Variants in NGLY1 observed in about 807,000 individuals in gnomAD.
NGLY1 encodes N-glycanase 1.
Under a neutral mutation model 84.6 loss-of-function variants are expected in NGLY1, and 68 were observed. The observed-to-expected ratio is 0.80, with a 90% CI of 0.66 to 0.98. The LOEUF (loss-of-function observed/expected upper bound fraction) is 0.98, where lower values mean the gene tolerates loss of function less well. Ranked by LOEUF, NGLY1 falls within the 50% of genes least tolerant of loss-of-function variation. The pLI is 0.00. For missense variants in NGLY1, 779 were observed against 770.2 expected, an observed-to-expected ratio of 1.01 and a Z score of -0.14; for synonymous variants, 280 against 275.2, an observed-to-expected ratio of 1.02 and a Z score of -0.17.
chr3:25,782,234 A>T (rs1708451545), intron 1 of NGLY1, among the ~76,000 whole-genome samples: 2 of 152,224 alleles, frequency 1.3e-5, no homozygotes, highest in Admixed American at 1.3e-4. Context: ...ACTAATGTCT[A>T]AAATTGGGTC....
rs866506530 is a variant in NGLY1 at position 25,771,503 on chromosome 3, C to A, written c.246+7071G>T. ...TCTCCAGATTTGTTTTTTGGTTAGT[C>A]TTGTTTTGGCTACGTAGGCTGCTTT... On this transcript the variant is annotated intron_variant, in intron 2 of 11. Transcript: ENST00000280700. 2.6e-5 allele frequency among the ~76,000 whole-genome samples: 4 copies of A among 152,028 alleles called. No individual in the cohort carries two copies. The Middle Eastern group carries it at 0.01, about 388-fold the overall frequency.
chr3:25,744,588 T>C (rs1706325511), intron 4 of NGLY1, among the ~76,000 whole-genome samples: 2 of 152,226 alleles, frequency 1.3e-5, no homozygotes, highest in African/African-American at 4.8e-5. Context: ...GGCCATATAA[T>C]ATCCACTTGC....
At chr3:25,778,290 C>A in intron 2 of NGLY1, 1 of 214,848 alleles carries the variant, frequency 4.7e-6, no homozygotes, top group Non-Finnish European at 9.3e-6. Context: ...TAGCTAAAAG[C>A]CTAAAGTGAA....
rs573301283 is a variant in NGLY1 at position 25,783,157 on chromosome 3, C to G, written c.131+103G>C. 13 of 1,111,432 alleles carry G rather than the reference C, an allele frequency of 1.2e-5. No homozygotes were observed. The African/African-American group carries it at 1.6e-4, about 14-fold the overall frequency. The allele number at this position is 1,111,432 out of a possible 1,614,324, so 68.8% of individuals were successfully genotyped here. A position where few individuals can be genotyped will look rare whatever the true frequency, so the allele number is the denominator to read the frequency against. On this transcript the variant is annotated intron_variant, in intron 1 of 11. Coordinates refer to ENST00000280700, the MANE Select transcript of NGLY1 (RefSeq NM_018297.4). The surrounding 1 kb of genome is among the most constrained non-coding windows in gnomAD (Gnocchi z 4.5). ...TCCAGGTCCCGGTCTGTCCGGGCGT[C>G]GCTGCCCTCTGAAGCTCAGGCCGGA...
rs773898697 is a variant in NGLY1, at chr3:25,760,754, G to A, written c.492+3312C>T. On this transcript the variant is annotated intron_variant, in intron 3 of 11. Transcript: ENST00000280700. ...ACATGCCTGTAATCCCAGCTACTAC[G>A]GAGGCTGAGGCAGGAGAATCACTTG... 3.3e-5 allele frequency among the ~76,000 whole-genome samples: 5 copies of A among 151,788 alleles called. No individual in the cohort carries two copies. The South Asian group carries it at 1.0e-3, about 32-fold the overall frequency.
intron 3 of NGLY1, among the ~76,000 whole-genome samples, chr3:25,757,524 A>G (rs1248422770): frequency 6.6e-6 from 1 of 152,238 alleles, no homozygotes; most frequent in Non-Finnish European, 1.5e-5. Context: ...AAGGCTATTA[A>G]TAAAAATTTG....
intron 3 of NGLY1, among the ~76,000 whole-genome samples, chr3:25,756,698 A>G (rs1367459870): frequency 1.1e-4 from 16 of 152,270 alleles, no homozygotes; most frequent in Non-Finnish European, 2.9e-5. Context: ...GAGTCCTCCA[A>G]TTGGTATAAT....
intron 3 of NGLY1, among the ~76,000 whole-genome samples, chr3:25,760,925 G>A (rs1401022662): frequency 5.2e-5 from 6 of 115,516 alleles, no homozygotes; most frequent in Admixed American, 2.9e-4. Flanking sequence ...AAAAAAGCTC[G>A]CACACAGATC....
chr3:25,749,684 A>G (rs1706629062), intron 4 of NGLY1: 1 of 1,578,784 alleles, frequency 6.3e-7, no homozygotes, highest in Non-Finnish European at 8.6e-7. Flanking sequence ...CAACAAAAAA[A>G]CAAAGCACAT....
At chr3:25,737,544 A>AT (rs371935487) in intron 5 of NGLY1, 89 bp from the exon 6 acceptor site, 208,844 of 941,612 alleles carry the variant, frequency 0.22, 82 homozygotes, top group South Asian at 0.26. Flanking sequence ...GAAATGTTTA[A>AT]TTTTTTTTTT....
rs1470026848 is a variant in NGLY1 at position 25,719,568 on chromosome 3, G to A, written c.1857C>T (p.Ser619=). Residue 619 remains serine, a synonymous_variant, in exon 12 of 12, where the codon AGC becomes AGT. Transcript: ENST00000280700. ...GCCAAGCGACATCACCATCTCCTCT[G>A]CTTAATTCTGCTTCCAAAATAACTT... is the stretch of plus-strand genomic sequence containing the variant. The part of the protein sequence containing the change: ...ATEVILEAEL[S]RGDGDVAWQH... 3 of 1,613,766 alleles carry A rather than the reference G, an allele frequency of 1.9e-6. No homozygotes were observed. The highest frequency in any genetic ancestry group is 3.3e-5 in the Admixed American group (2 of 59,998).
intron 4 of NGLY1, among the ~76,000 whole-genome samples, chr3:25,740,305 T>A (rs760634411): frequency 2.6e-5 from 4 of 152,126 alleles, no homozygotes; most frequent in Admixed American, 1.3e-4. Context: ...ATATAATCCA[T>A]CCATGGATAC....
At chr3:25,767,887 T>C (rs1478709725) in intron 2 of NGLY1, among the ~76,000 whole-genome samples, 1 of 146,564 alleles carries the variant, frequency 6.8e-6, no homozygotes, top group Non-Finnish European at 1.5e-5. Flanking sequence ...CTGAAGCAGG[T>C]GGATCACTTG....
intron 2 of NGLY1, among the ~76,000 whole-genome samples, chr3:25,768,707 G>A (rs9828656): frequency 0.66 from 99,444 of 151,288 alleles, 38,524 homozygotes; most frequent in East Asian, 0.94. Context: ...CACCACGCCC[G>A]GCTAATTTTT....
chr3:25,773,536 T>C (rs1708001891), intron 2 of NGLY1, among the ~76,000 whole-genome samples: 1 of 152,168 alleles, frequency 6.6e-6, no homozygotes, highest in Non-Finnish European at 1.5e-5. Flanking sequence ...ATATCCTGTA[T>C]CACTCTTTAA....
chr3:25,763,692 T>TA (rs767899486), intron 3 of NGLY1, among the ~76,000 whole-genome samples: 144 of 152,360 alleles, frequency 9.5e-4, no homozygotes, highest in Non-Finnish European at 1.4e-3. Flanking sequence ...TCTTCACAAG[T>TA]ATATATGGTG....
rs777162067 is a variant in NGLY1 at position 25,733,932 on chromosome 3, G to A, written c.1200C>T (p.Ala400=). The change falls in exon 8 of 12, where the codon GCC becomes GCT. Residue 400 remains alanine (A), a synonymous_variant. Transcript: ENST00000280700. ...RYSCKHEEVI[A]RRTKVKEALL... ...ATGCTTCTTTAACCTTAGTTCTTCT[G>A]GCAATCACCTCTTCATGTTTGCAGG... is the stretch of plus-strand genomic sequence containing the variant. 1 of 1,613,658 alleles carries A rather than the reference G, an allele frequency of 6.2e-7. No homozygotes were observed. The highest frequency in any genetic ancestry group is 1.1e-5 in the South Asian group (1 of 91,030).
At chr3:25,739,555 T>C (rs2125484807) in intron 5 of NGLY1, 22 bp downstream of exon 5, 1 of 1,608,002 alleles carries the variant, frequency 6.2e-7, no homozygotes, top group Non-Finnish European at 8.5e-7. Context: ...ATTATTCTGA[T>C]TTTACCATCC....
Position 25,778,486 on chromosome 3 carries a change from C to T in NGLY1, c.246+88G>A, listed in dbSNP as rs1575666021. The T allele has an allele frequency of 3.1e-6, 2 of 654,106 alleles. 1 individual carries two copies. Among genetic ancestry groups the T allele is most frequent in the South Asian group, 6.1e-5 (2 of 32,914 alleles). The allele number at this position is 654,106 out of a possible 1,614,324, so 40.5% of individuals were successfully genotyped here. Reference sequence around the variant, plus strand: ...ATTCCCAAAATGATAAATTAAAAAACATTATCTTATTCAAACAATTATTCA... The same window carrying T: ...ATTCCCAAAATGATAAATTAAAAAATATTATCTTATTCAAACAATTATTCA... On this transcript the variant is annotated intron_variant, in intron 2 of 11. Coordinates refer to ENST00000280700, the MANE Select transcript of NGLY1 (RefSeq NM_018297.4).
Sources: allele counts gnomAD v4.1 joint callset (sites outside exome capture counted in the v4.1 genomes callset), GRCh38; gene constraint gnomAD v4.1.1; non-coding constraint Gnocchi (gnomAD v3.1); transcripts MANE v1.5; gene names NCBI Gene and HGNC (gene_info 2026-07-23, HGNC 2026-07-21).